Variants in LOC400499 observed in about 807,000 individuals in gnomAD.
At chr16:11,375,732 A>ATTTTTTT in the LOC400499 span, among the ~76,000 whole-genome samples, 816 of 130,646 alleles carry the variant, frequency 6.2e-3, 32 homozygotes, top group African/African-American at 0.017. Context: ...TCCTTTGTAC[A>ATTTTTTT]TTTTTTTTTT....
the LOC400499 span, chr16:11,491,768 C>A: frequency 2.5e-6 from 1 of 398,910 alleles, no homozygotes; most frequent in Admixed American, 4.4e-5. Context: ...TGGGGCATCT[C>A]ATCAGGGCCA....
At chr16:11,522,425 T>G in the LOC400499 span, among the ~76,000 whole-genome samples, 1 of 152,224 alleles carries the variant, frequency 6.6e-6, no homozygotes, top group East Asian at 1.9e-4. Flanking sequence ...TTGTGAGGGC[T>G]GTCCTCTGTG....
At chr16:11,435,037 C>A in the LOC400499 span, among the ~76,000 whole-genome samples, 73,022 of 152,092 alleles carry the variant, frequency 0.48, 17,804 homozygotes, top group South Asian at 0.56. Context: ...GGCTGCAATG[C>A]TGCAATCTTA....
the LOC400499 span, among the ~76,000 whole-genome samples, chr16:11,517,198 G>T: frequency 1.3e-5 from 2 of 151,868 alleles, no homozygotes; most frequent in Non-Finnish European, 2.9e-5. Flanking sequence ...TTCTTCCAAG[G>T]GTCCCTTCCT....
chr16:11,377,933 C>T, the LOC400499 span, among the ~76,000 whole-genome samples: 1 of 152,174 alleles, frequency 6.6e-6, no homozygotes, highest in East Asian at 1.9e-4. Flanking sequence ...TTCTTTCCTG[C>T]CAAGTTTTTG....
At chr16:11,404,335 G>A in the LOC400499 span, among the ~76,000 whole-genome samples, 2 of 152,146 alleles carry the variant, frequency 1.3e-5, no homozygotes, top group African/African-American at 4.8e-5. Context: ...GATTACACCT[G>A]GGATATGCAG....
chr16:11,394,777 G>C, the LOC400499 span, among the ~76,000 whole-genome samples: 1 of 152,156 alleles, frequency 6.6e-6, no homozygotes, highest in South Asian at 2.1e-4. Context: ...CCACAGCCGT[G>C]GGTCCTGGCA....
the LOC400499 span, among the ~76,000 whole-genome samples, chr16:11,527,364 T>C: frequency 0.56 from 84,322 of 151,588 alleles, 24,830 homozygotes; most frequent in African/African-American, 0.77. Flanking sequence ...CCAATAAAGT[T>C]ATTAGCACCC....
At chr16:11,453,787 C>T in the LOC400499 span, among the ~76,000 whole-genome samples, 13,183 of 151,698 alleles carry the variant, frequency 0.087, 1,298 homozygotes, top group East Asian at 0.28. Flanking sequence ...GGGCAACATA[C>T]TGAGACCCCA....
At chr16:11,402,130 G>A in the LOC400499 span, 7 of 399,144 alleles carry the variant, frequency 1.8e-5, 1 homozygote, top group South Asian at 6.4e-4. Context: ...GTCGCGGCAG[G>A]GGGAGGGGCA....
chr16:11,450,294 C>G, the LOC400499 span, among the ~76,000 whole-genome samples: 3 of 152,236 alleles, frequency 2.0e-5, no homozygotes, highest in African/African-American at 4.8e-5. Flanking sequence ...GAAATTTTCA[C>G]TCTGTTTTTT....
the LOC400499 span, chr16:11,392,101 G>C: frequency 2.5e-6 from 1 of 399,208 alleles, no homozygotes; most frequent in African/African-American, 2.1e-5. Context: ...TGCAATCCTG[G>C]ACTGTGAGGA....
chr16:11,487,226 G>A, the LOC400499 span: 1 of 398,792 alleles, frequency 2.5e-6, no homozygotes, highest in East Asian at 3.6e-5. Flanking sequence ...GTCTAGGAGA[G>A]GCCCTGCAGA....
At chr16:11,395,871 C>T in the LOC400499 span, among the ~76,000 whole-genome samples, 1 of 152,226 alleles carries the variant, frequency 6.6e-6, no homozygotes, top group South Asian at 2.1e-4. Flanking sequence ...AAAAACCACC[C>T]TGTGAAATAT....
the LOC400499 span, among the ~76,000 whole-genome samples, chr16:11,484,495 GAACA>G: frequency 6.6e-6 from 1 of 152,134 alleles, no homozygotes; most frequent in African/African-American, 2.4e-5. Flanking sequence ...TTAAAAAGTA[GAACA>G]AACTGATGCT....
the LOC400499 span, among the ~76,000 whole-genome samples, chr16:11,510,056 T>C: frequency 2.0e-5 from 3 of 151,618 alleles, no homozygotes; most frequent in African/African-American, 4.9e-5. Context: ...GTCCTGTGAC[T>C]GCTTCCTAAT....
the LOC400499 span, among the ~76,000 whole-genome samples, chr16:11,424,842 C>G: frequency 6.6e-6 from 1 of 152,108 alleles, no homozygotes. Flanking sequence ...CACAAGCTGT[C>G]CCAGGGAATT....
the LOC400499 span, among the ~76,000 whole-genome samples, chr16:11,454,505 T>C: frequency 6.6e-6 from 1 of 152,100 alleles, no homozygotes; most frequent in Non-Finnish European, 1.5e-5. Flanking sequence ...ACAGGGAGAA[T>C]GCCACATGAC....
At chr16:11,454,407 G>A in the LOC400499 span, among the ~76,000 whole-genome samples, 2 of 152,172 alleles carry the variant, frequency 1.3e-5, no homozygotes, top group African/African-American at 4.8e-5. Flanking sequence ...AAGTCAAGAT[G>A]AGGTCATACG....
Sources: gnomAD v4.1 joint callset for allele counts (sites outside exome capture counted in the v4.1 genomes callset) on GRCh38, gnomAD v4.1.1 for gene constraint, MANE v1.5 for transcripts.